The following GRID2IP variants were observed in gnomAD, a reference collection of about 807,000 sequenced individuals.
GRID2IP encodes delphilin.
A neutral mutation model predicts 114.3 loss-of-function variants in GRID2IP; 78 were observed. That is an observed-to-expected ratio of 0.68 (90% CI 0.57 to 0.82). The LOEUF (loss-of-function observed/expected upper bound fraction) is 0.82, where lower values mean the gene tolerates loss of function less well. Ranked by LOEUF, GRID2IP falls within the 40% of genes least tolerant of loss-of-function variation. GRID2IP has a pLI of 0.00. For synonymous variants in GRID2IP, 809 were observed against 724.0 expected, an observed-to-expected ratio of 1.12 and a Z score of -1.89; for missense variants, 1,727 against 1,678.5, an observed-to-expected ratio of 1.03 and a Z score of -0.51.
chr7:6,540,172 G>C (rs1263936448), intron 1 of GRID2IP, among the ~76,000 whole-genome samples: 1 of 149,080 alleles, frequency 6.7e-6, no homozygotes, highest in Admixed American at 6.8e-5. Flanking sequence ...CAGTGCAGTG[G>C]TGCAATCTTG....
intron 2 of GRID2IP, among the ~76,000 whole-genome samples, chr7:6,537,624 C>T (rs533071574): frequency 3.3e-5 from 5 of 151,452 alleles, no homozygotes; most frequent in African/African-American, 9.7e-5. Context: ...ATGATCTGCC[C>T]GCCTCGGCCT....
intron 9 of GRID2IP, 21 bp downstream of exon 9, chr7:6,510,887 T>G: frequency 6.5e-7 from 1 of 1,546,712 alleles, no homozygotes; most frequent in Non-Finnish European, 8.7e-7. Flanking sequence ...ATTCATACCC[T>G]CCCCCTGACA....
chr7:6,531,078 G>A (rs1213068894), intron 2 of GRID2IP: 3 of 628,006 alleles, frequency 4.8e-6, no homozygotes, highest in Admixed American at 2.5e-5. Context: ...CGAAAGTGCC[G>A]AGAGAAGCCC....
chr7:6,550,888 T>C (rs1779962869), intron 1 of GRID2IP, 120 bp downstream of exon 1: 1 of 1,138,796 alleles, frequency 8.8e-7, no homozygotes, highest in African/African-American at 1.6e-5. Context: ...CATATTTCTG[T>C]TAAATCTGAC....
Position 6,503,622 on chromosome 7 carries a change from G to A in GRID2IP, c.2776C>T (p.Pro926Ser), listed in dbSNP as rs1354814647. The change falls in exon 16 of 22, where the codon CCC (proline) becomes TCC (serine). Residue 926 changes from proline to serine, a missense_variant. By Grantham distance (74) the Pro-to-Ser change is moderately conservative. Coordinates refer to ENST00000457091, the MANE Select transcript of GRID2IP (RefSeq NM_001145118.2). ...ELRQVLMSME[P>S]RRLEPAHLAQ... ...AGATGTGCGGGCTCCAGGCGCCGGG[G>A]CTCCATGCTCATCAGCACCTGGCGC... The A allele has an allele frequency of 5.9e-6, 9 of 1,528,506 alleles. No individual in the cohort carries two copies. In the Admixed American group the frequency reaches 7.9e-5, roughly 13 times the overall value. 94.7% of individuals were successfully genotyped at this position (1,528,506 alleles called of 1,614,324 possible). A position where few individuals can be genotyped will look rare whatever the true frequency, so the allele number is the denominator to read the frequency against.
chr7:6,513,348 G>A (rs759778063), intron 8 of GRID2IP, among the ~76,000 whole-genome samples: 17 of 151,352 alleles, frequency 1.1e-4, no homozygotes, highest in Non-Finnish European at 2.4e-4. Flanking sequence ...CTAAGTAGCC[G>A]GGACTACAGG....
chr7:6,498,237 C>G lies in GRID2IP; in HGVS notation c.3400-9G>C. 3.3e-6 allele frequency: 5 copies of G among 1,533,672 alleles called. No individual in the cohort carries two copies. The highest frequency in any genetic ancestry group is 4.4e-6 in the Non-Finnish European group (5 of 1,140,242). On this transcript the variant is annotated splice_polypyrimidine_tract_variant and intron_variant, in intron 20 of 21. Transcript: ENST00000457091. ...GCCGTCTCCAGGAAGGACTGACAGG[C>G]CTCAGTTAAGGAAACAGCCAGCCCG...
At chr7:6,545,930 G>C (rs907147646) in intron 1 of GRID2IP, among the ~76,000 whole-genome samples, 1 of 152,034 alleles carries the variant, frequency 6.6e-6, no homozygotes, top group Admixed American at 6.6e-5. Context: ...AGGAGAACAT[G>C]GCTGGCTGCA....
rs184043502 is a variant in GRID2IP, at chr7:6,508,277, G to C, written c.2252C>G (p.Pro751Arg). 42 of 1,541,912 alleles carry C rather than the reference G, an allele frequency of 2.7e-5. No homozygotes were observed. Among genetic ancestry groups the C allele is most frequent in the Non-Finnish European group, 3.3e-5 (38 of 1,142,454 alleles). The change falls in exon 13 of 22, where the codon CCA becomes CGA. Residue 751 changes from proline (P) to arginine (R), a missense_variant. Pro to Arg is a moderately radical substitution (Grantham distance 103, BLOSUM62 -2). Coordinates refer to ENST00000457091, the MANE Select transcript of GRID2IP (RefSeq NM_001145118.2). This position sits in a 1 kb window ranked among gnomAD's most constrained non-coding sequence, Gnocchi z 5.6. ...TYSSISDHIP[P>R]PPLSPPPPPP... ...CGGTGGTGGGGGGCTGAGCGGGGGT[G>C]GGGGGATGTGGTCAGAGATGGAGGA...
rs1779971456 is a variant in GRID2IP, at chr7:6,551,140, G to C, written c.297C>G (p.Thr99=). ...PGPGSGPAAP[T]TVLRAPRCGR... is the part of the protein sequence containing the mutation. The stretch of plus-strand genomic sequence containing the variant: ...CGCACCGCGGGGCCCGCAAGACTGT[G>C]GTCGGGGCCGCGGGGCCGGATCCTG... Residue 99 remains threonine (T), a synonymous_variant, in exon 1 of 22, where the codon ACC becomes ACG. Transcript: ENST00000457091. The C allele has an allele frequency of 7.5e-7, 1 of 1,327,084 alleles. No homozygotes were observed. Among genetic ancestry groups the C allele is most frequent in the East Asian group, 3.3e-5 (1 of 30,278 alleles). The allele number at this position is 1,327,084 out of a possible 1,614,324, so 82.2% of individuals were successfully genotyped here. A position where few individuals can be genotyped will look rare whatever the true frequency, so the allele number is the denominator to read the frequency against.
chr7:6,498,907 G>A (rs1219442056), intron 20 of GRID2IP, among the ~76,000 whole-genome samples: 1 of 152,040 alleles, frequency 6.6e-6, no homozygotes, highest in Admixed American at 6.6e-5. Flanking sequence ...CTGTTTTCTA[G>A]AGCATTTGTC....
At position 6,548,711 on chromosome 7, in the gene GRID2IP, G is replaced by T. The variant is rs1164075882; in HGVS notation, c.429+2297C>A. 7.2e-5 allele frequency among the ~76,000 whole-genome samples: 11 copies of T among 151,948 alleles called. No homozygotes were observed. In the East Asian group the frequency reaches 1.9e-3, roughly 27 times the overall value. On this transcript the variant is annotated intron_variant, in intron 1 of 21. Transcript: ENST00000457091. ...AAAAAAAATAGCTGGCCATGGTGGGGTACGCCTGTAATCCCAGCTACGCGG... is the reference window on the plus strand; with the variant it reads ...AAAAAAAATAGCTGGCCATGGTGGGTTACGCCTGTAATCCCAGCTACGCGG...
At chr7:6,550,356 A>G (rs911509173) in intron 1 of GRID2IP, among the ~76,000 whole-genome samples, 1 of 152,072 alleles carries the variant, frequency 6.6e-6, no homozygotes, top group African/African-American at 2.4e-5. Flanking sequence ...CAATTATTCT[A>G]TAGTCTACAT....
chr7:6,545,356 C>T (rs1230515455), intron 1 of GRID2IP, among the ~76,000 whole-genome samples: 2 of 152,068 alleles, frequency 1.3e-5, no homozygotes, highest in African/African-American at 4.8e-5. Context: ...AGTCTGGAGC[C>T]GTCTACACGT....
intron 8 of GRID2IP, among the ~76,000 whole-genome samples, chr7:6,513,226 CTTTCT>C (rs1779214712): frequency 6.6e-6 from 1 of 151,664 alleles, no homozygotes; most frequent in African/African-American, 2.4e-5. Flanking sequence ...ACGTGAGTTT[CTTTCT>C]TTTTTCTTTT....
In GRID2IP at chr7:6,528,634, C is replaced by T. The variant is rs868773199; in HGVS notation, c.585-1865G>A. Reference sequence around the variant, plus strand: ...GTGGCCTTGCAGCTGAAAGACAAACCCCTCTGAGGTGTCCCAGCGGCCCTC... The same window carrying T: ...GTGGCCTTGCAGCTGAAAGACAAACTCCTCTGAGGTGTCCCAGCGGCCCTC... On this transcript the variant is annotated intron_variant, in intron 2 of 21. Coordinates refer to ENST00000457091, the MANE Select transcript of GRID2IP (RefSeq NM_001145118.2). This position sits in a 1 kb window ranked among gnomAD's most constrained non-coding sequence, Gnocchi z 6.0. 1.3e-5 allele frequency among the ~76,000 whole-genome samples: 2 copies of T among 152,290 alleles called. No homozygotes were observed. The highest frequency in any genetic ancestry group is 2.1e-4 in the South Asian group (1 of 4,826).
At chr7:6,546,075 T>G (rs1487565695) in intron 1 of GRID2IP, among the ~76,000 whole-genome samples, 1 of 151,914 alleles carries the variant, frequency 6.6e-6, no homozygotes, top group African/African-American at 2.4e-5. Flanking sequence ...CACGGGACAC[T>G]AATGGATTTT....
intron 14 of GRID2IP, 105 bp from the exon 15 acceptor site, chr7:6,504,975 C>T (rs1583333719): frequency 9.3e-6 from 8 of 863,012 alleles, no homozygotes; most frequent in African/African-American, 3.3e-5. Flanking sequence ...CCCCTAAGCA[C>T]GACCTCGACT....
Position 6,520,607 on chromosome 7 carries a change from G to T in GRID2IP, c.1239C>A (p.Cys413Ter), listed in dbSNP as rs1478736249. ...LLTPPERYGV[C>*]RALESFFQHR... The stretch of plus-strand genomic sequence containing the variant: ...GCTGGAAGAAGCTCTCGAGGGCCCG[G>T]CAGACCCCATAGCGCTCAGGAGGTG... Residue 413 changes from cysteine (C) to a stop codon, truncating the protein, a stop_gained, in exon 7 of 22, where the codon TGC (cysteine) becomes TGA (stop). Transcript: ENST00000457091. LOFTEE classifies it high-confidence loss of function. The surrounding 1 kb of genome is among the most constrained non-coding windows in gnomAD (Gnocchi z 4.6). 1 of 1,551,458 alleles carries T rather than the reference G, an allele frequency of 6.4e-7. No individual in the cohort carries two copies. Among genetic ancestry groups the T allele is most frequent in the Non-Finnish European group, 8.7e-7 (1 of 1,146,922 alleles).
Sources: allele counts gnomAD v4.1 joint callset (sites outside exome capture counted in the v4.1 genomes callset), GRCh38; gene constraint gnomAD v4.1.1; non-coding constraint Gnocchi (gnomAD v3.1); transcripts MANE v1.5; gene names NCBI Gene and HGNC (gene_info 2026-07-23, HGNC 2026-07-21).